The following RALYL variants were observed in gnomAD, a reference collection of about 807,000 sequenced individuals.
RALYL encodes the protein RALY RNA binding protein like, also known as RNA-binding Raly-like protein.
In RALYL, 29 loss-of-function variants were observed where a neutral mutation model predicts 35.1. That is an observed-to-expected ratio of 0.83 (90% CI 0.61 to 1.13). The LOEUF (loss-of-function observed/expected upper bound fraction) is 1.13. RALYL is among the 50% of genes most tolerant of loss of function. The pLI is 0.00. For missense variants in RALYL, 359 were observed against 360.4 expected, an observed-to-expected ratio of 1.00 and a Z score of 0.03; for synonymous variants, 120 against 127.6, an observed-to-expected ratio of 0.94 and a Z score of 0.40.
At chr8:84,438,551 G>T (rs565901827) in intron 1 of RALYL, among the ~76,000 whole-genome samples, 1 of 151,916 alleles carries the variant, frequency 6.6e-6, no homozygotes, top group African/African-American at 2.4e-5. Flanking sequence ...ATCTCAATAA[G>T]CTATTTTTTT....
In RALYL at chr8:84,779,913, G is replaced by A. The variant is rs527666466; in HGVS notation, c.332+5259G>A. Among the ~76,000 whole-genome samples, 4 of 152,324 alleles carry A rather than the reference G, an allele frequency of 2.6e-5. No individual in the cohort carries two copies. In the East Asian group the frequency reaches 7.7e-4, roughly 29 times the overall value. On this transcript the variant is annotated intron_variant, in intron 3 of 8. Coordinates refer to ENST00000521268, the MANE Select transcript of RALYL (RefSeq NM_173848.7). Reference sequence around the variant, plus strand: ...CCTTGAAAGTAGAAATGAAAGTAATGTAAGCTAATTTCAGCTAATGCTAAA... The same window carrying A: ...CCTTGAAAGTAGAAATGAAAGTAATATAAGCTAATTTCAGCTAATGCTAAA...
chr8:84,525,957 T>TC (rs1204499132), intron 1 of RALYL, among the ~76,000 whole-genome samples: 1 of 47,286 alleles, frequency 2.1e-5, no homozygotes, highest in Non-Finnish European at 5.1e-5. Flanking sequence ...TTTTTTCTTT[T>TC]TTTTTTTTTT....
At chr8:84,849,561 G>GC (rs1554621405) in intron 4 of RALYL, among the ~76,000 whole-genome samples, 1 of 141,798 alleles carries the variant, frequency 7.1e-6, no homozygotes. Context: ...TTTTGTTTTT[G>GC]TTTTTTTTTT....
At chr8:84,782,931 T>G (rs564935085) in intron 3 of RALYL, among the ~76,000 whole-genome samples, 40 of 152,372 alleles carry the variant, frequency 2.6e-4, no homozygotes, top group African/African-American at 9.1e-4. Flanking sequence ...GTGACCTGTT[T>G]CTTGTTTTAG....
chr8:84,469,995 G>A (rs1007812941), intron 1 of RALYL, among the ~76,000 whole-genome samples: 2 of 152,100 alleles, frequency 1.3e-5, no homozygotes, highest in African/African-American at 2.4e-5. Context: ...GCCCTGCTTC[G>A]GCTCGCGCAC....
At chr8:84,848,425 A>G (rs112546315) in intron 4 of RALYL, among the ~76,000 whole-genome samples, 5,847 of 136,612 alleles carry the variant, frequency 0.043, 377 homozygotes, top group African/African-American at 0.14. Context: ...GTATATATAT[A>G]TGTGTGTGTG....
chr8:84,779,517 A>G (rs746051067), intron 3 of RALYL, among the ~76,000 whole-genome samples: 1 of 152,196 alleles, frequency 6.6e-6, no homozygotes, highest in Non-Finnish European at 1.5e-5. Flanking sequence ...ATTGCCAAAT[A>G]TTGCTTTTGG....
chr8:84,803,467 CAA>C (rs1225863097), intron 3 of RALYL, among the ~76,000 whole-genome samples: 8 of 152,080 alleles, frequency 5.3e-5, no homozygotes, highest in African/African-American at 1.9e-4. Context: ...ATGAGAAAAA[CAA>C]ACACAATAAG....
intron 2 of RALYL, among the ~76,000 whole-genome samples, chr8:84,635,956 A>C (rs1824973529): frequency 1.3e-5 from 2 of 151,678 alleles, no homozygotes; most frequent in South Asian, 4.1e-4. Flanking sequence ...GGCTTTTTGA[A>C]CTTCTGGTTA....
chr8:84,420,243 T>A (rs1040861117), intron 1 of RALYL, among the ~76,000 whole-genome samples: 3 of 152,116 alleles, frequency 2.0e-5, no homozygotes, highest in African/African-American at 7.3e-5. Flanking sequence ...CCATTCTAAC[T>A]GGTGTGAGAT....
At chr8:84,433,658 C>G (rs1328605719) in intron 1 of RALYL, among the ~76,000 whole-genome samples, 1 of 151,946 alleles carries the variant, frequency 6.6e-6, no homozygotes, top group Non-Finnish European at 1.5e-5. Context: ...TTGCTGCCAC[C>G]ATGTAAGAAG....
chr8:84,314,009 A>C (rs1843285228), intron 1 of RALYL, among the ~76,000 whole-genome samples: 1 of 152,192 alleles, frequency 6.6e-6, no homozygotes, highest in Admixed American at 6.5e-5. Context: ...AAGAGGGATT[A>C]ATTGCCTCAC....
chr8:84,255,117 G>A (rs1389665368), intron 1 of RALYL, among the ~76,000 whole-genome samples: 3 of 152,054 alleles, frequency 2.0e-5, no homozygotes, highest in Non-Finnish European at 4.4e-5. Context: ...AAAATGATAT[G>A]TGCTTAAACT....
intron 2 of RALYL, among the ~76,000 whole-genome samples, chr8:84,536,374 T>C (rs2059607360): frequency 6.6e-6 from 1 of 152,218 alleles, no homozygotes; most frequent in Non-Finnish European, 1.5e-5. Flanking sequence ...AGAATTGTAG[T>C]ATCCCTAGTT....
At chr8:84,712,068 A>G (rs1032288313) in intron 2 of RALYL, among the ~76,000 whole-genome samples, 2 of 152,182 alleles carry the variant, frequency 1.3e-5, no homozygotes, top group Non-Finnish European at 2.9e-5. Context: ...AGAGGACACT[A>G]TTAAATTCAA....
chr8:84,654,778 T>C (rs1389025720), intron 2 of RALYL, among the ~76,000 whole-genome samples: 1 of 152,160 alleles, frequency 6.6e-6, no homozygotes, highest in Non-Finnish European at 1.5e-5. Flanking sequence ...TATTTGTGAC[T>C]AAATTGTACT....
chr8:84,619,661 G>A (rs549362150), intron 2 of RALYL, among the ~76,000 whole-genome samples: 32 of 150,402 alleles, frequency 2.1e-4, no homozygotes, highest in Non-Finnish European at 3.8e-4. Context: ...TATTTTGCTC[G>A]TTAGTTGATG....
At position 84,675,406 on chromosome 8, in the gene RALYL, G is replaced by T. The variant is rs575026655; in HGVS notation, c.257-99173G>T. Among the ~76,000 whole-genome samples, 13 of 152,048 alleles carry T rather than the reference G, an allele frequency of 8.5e-5. No homozygotes were observed. The South Asian group carries it at 2.1e-3, about 24-fold the overall frequency. On this transcript the variant is annotated intron_variant, in intron 2 of 8. Transcript: ENST00000521268. ...TTTGACTTAATAGAGGCTTACAAAT[G>T]GCTCCTTAAATAGGAGATAGGCGAA...
At chr8:84,292,182 T>C (rs994512687) in intron 1 of RALYL, among the ~76,000 whole-genome samples, 5 of 152,088 alleles carry the variant, frequency 3.3e-5, no homozygotes, top group African/African-American at 1.2e-4. Flanking sequence ...GGAGAATAGT[T>C]TGTGAATCTT....
Sources: allele counts gnomAD v4.1 joint callset (sites outside exome capture counted in the v4.1 genomes callset), GRCh38; gene constraint gnomAD v4.1.1; transcripts MANE v1.5; gene names NCBI Gene and HGNC (gene_info 2026-07-23, HGNC 2026-07-21).